The following SRPK2 variants were observed in gnomAD, a reference collection of about 807,000 sequenced individuals.
SRPK2 encodes the protein SFRS protein kinase 2.
A neutral mutation model predicts 90.8 loss-of-function variants in SRPK2; 21 were observed. The ratio of observed to expected loss-of-function variants is 0.23; its 90% CI spans 0.16 to 0.33. The LOEUF (loss-of-function observed/expected upper bound fraction) is 0.33, where lower values mean the gene tolerates loss of function less well. SRPK2 is among the 10% of genes least tolerant of loss of function. SRPK2 has a pLI of 1.00. For missense variants in SRPK2, 620 were observed against 869.0 expected (o/e 0.71, Z 3.60); for synonymous variants, 288 against 311.1 (o/e 0.93, Z 0.78).
chr7:105,213,614 A>G (rs1352871868), intron 2 of SRPK2, among the ~76,000 whole-genome samples: 1 of 152,184 alleles, frequency 6.6e-6, no homozygotes, highest in East Asian at 1.9e-4. Flanking sequence ...GAGCACATAC[A>G]TATACAAAAG....
At chr7:105,395,041 C>T (rs1017859597) in intron 1 of SRPK2, among the ~76,000 whole-genome samples, 5 of 152,106 alleles carry the variant, frequency 3.3e-5, no homozygotes, top group African/African-American at 1.2e-4. Flanking sequence ...GGCGTGGCGG[C>T]ACATGCCTAT....
At chr7:105,382,648 G>A (rs1158702925) in intron 2 of SRPK2, among the ~76,000 whole-genome samples, 1 of 148,570 alleles carries the variant, frequency 6.7e-6, no homozygotes, top group Non-Finnish European at 1.5e-5. Flanking sequence ...GAAAAAAGGC[G>A]AATCACAAAA....
intron 2 of SRPK2, chr7:105,332,793 C>T (rs1814590685): frequency 6.6e-6 from 1 of 151,184 alleles, no homozygotes; most frequent in South Asian, 2.1e-4. Flanking sequence ...AAAGCAAGTG[C>T]TTGCTTCAGC....
chr7:105,397,249 G>A (rs907261572), intron 1 of SRPK2, among the ~76,000 whole-genome samples: 6 of 151,478 alleles, frequency 4.0e-5, no homozygotes, highest in African/African-American at 7.3e-5. Context: ...ATCTTTTGAC[G>A]TCGTGATCCA....
At chr7:105,236,899 T>C (rs1800211837) in intron 2 of SRPK2, among the ~76,000 whole-genome samples, 2 of 152,228 alleles carry the variant, frequency 1.3e-5, no homozygotes, top group Admixed American at 6.5e-5. Context: ...ATCAAAAGAC[T>C]AGTTTGGGAA....
upstream of SRPK2, among the ~76,000 whole-genome samples, chr7:105,391,997 A>C (rs1243267757): frequency 6.6e-6 from 1 of 152,250 alleles, no homozygotes; most frequent in African/African-American, 2.4e-5. Context: ...CGGTATATAC[A>C]TACACTGGAA....
intron 2 of SRPK2, among the ~76,000 whole-genome samples, chr7:105,237,555 T>C (rs1358363885): frequency 6.6e-6 from 1 of 152,198 alleles, no homozygotes; most frequent in Non-Finnish European, 1.5e-5. Flanking sequence ...TAAAAGGAAC[T>C]CTAAATACTA....
intron 2 of SRPK2, among the ~76,000 whole-genome samples, chr7:105,285,886 G>A (rs533600877): frequency 1.2e-4 from 18 of 152,232 alleles, no homozygotes; most frequent in African/African-American, 4.1e-4. Flanking sequence ...CAGGTATTCC[G>A]TTATAGCAAT....
rs1182609958 is a variant in SRPK2 at position 105,116,716 on chromosome 7, T to C, written c.*1122A>G. Reference sequence around the variant, plus strand: ...TGTGCAACCTGCAAAGGGAAAATCATTTTCTCAACTTCGTTTCATGGAAAG... The same window carrying C: ...TGTGCAACCTGCAAAGGGAAAATCACTTTCTCAACTTCGTTTCATGGAAAG... On this transcript the variant is annotated 3_prime_UTR_variant, in exon 16 of 16. Transcript: ENST00000393651. 1.3e-5 allele frequency: 2 copies of C among 152,620 alleles called. No homozygotes were observed. Among genetic ancestry groups the C allele is most frequent in the East Asian group, 3.8e-4 (2 of 5,200 alleles). 9.5% of individuals were successfully genotyped at this position (152,620 alleles called of 1,614,324 possible). A position where few individuals can be genotyped will look rare whatever the true frequency, so the allele number is the denominator to read the frequency against.
chr7:105,277,672 C>T (rs1320878216), intron 2 of SRPK2, among the ~76,000 whole-genome samples: 2 of 152,182 alleles, frequency 1.3e-5, no homozygotes, highest in Non-Finnish European at 2.9e-5. Context: ...TGAGAATTCA[C>T]AGAAAAGCAG....
In SRPK2 at chr7:105,134,934, G is replaced by A. The variant is rs933543738; in HGVS notation, c.1544-1830C>T. On this transcript the variant is annotated intron_variant, in intron 11 of 15. Transcript: ENST00000393651. The stretch of plus-strand genomic sequence containing the variant: ...CACAGCCTCACCAAAGGCCAGGTAT[G>A]AGCTCAGGAAAAGAAACACCAGAAC... 3.3e-5 allele frequency among the ~76,000 whole-genome samples: 5 copies of A among 152,302 alleles called. No individual in the cohort carries two copies. In the South Asian group the frequency reaches 1.0e-3, roughly 32 times the overall value.
At chr7:105,119,410 A>G (rs1227413797) in intron 15 of SRPK2, among the ~76,000 whole-genome samples, 1 of 152,148 alleles carries the variant, frequency 6.6e-6, no homozygotes, top group East Asian at 1.9e-4. Flanking sequence ...CCTACCCACA[A>G]CTGCTCTTCT....
intron 2 of SRPK2, among the ~76,000 whole-genome samples, chr7:105,275,379 C>A (rs1806353413): frequency 6.6e-6 from 1 of 152,074 alleles, no homozygotes; most frequent in Non-Finnish European, 1.5e-5. Flanking sequence ...GCATGATACT[C>A]TTCTTATTCA....
intron 2 of SRPK2, among the ~76,000 whole-genome samples, chr7:105,219,605 G>C (rs1047349613): frequency 6.6e-6 from 1 of 152,218 alleles, no homozygotes; most frequent in African/African-American, 2.4e-5. Flanking sequence ...AACAGACTGA[G>C]CCTTAGTCCC....
chr7:105,342,436 A>C (rs1329221304), intron 2 of SRPK2, among the ~76,000 whole-genome samples: 1 of 152,086 alleles, frequency 6.6e-6, no homozygotes, highest in Non-Finnish European at 1.5e-5. Flanking sequence ...CCAGCTTATT[A>C]GCGTTAAAAT....
At chr7:105,205,739 A>G (rs1299052850) in intron 2 of SRPK2, among the ~76,000 whole-genome samples, 1 of 152,164 alleles carries the variant, frequency 6.6e-6, no homozygotes, top group Non-Finnish European at 1.5e-5. Context: ...AAGGAACTTC[A>G]GTAGTTTGCC....
intron 2 of SRPK2, among the ~76,000 whole-genome samples, chr7:105,234,660 C>A (rs1006847648): frequency 2.6e-5 from 4 of 152,210 alleles, no homozygotes; most frequent in Non-Finnish European, 4.4e-5. Context: ...GGATCTTAAG[C>A]ACTTAGCTAT....
intron 11 of SRPK2, among the ~76,000 whole-genome samples, chr7:105,137,267 A>G (rs1026846311): frequency 9.2e-5 from 14 of 152,252 alleles, no homozygotes; most frequent in African/African-American, 3.4e-4. Flanking sequence ...GCAGGCACCA[A>G]CAGAGACCTG....
At chr7:105,125,776 C>T (rs1023090419) in intron 15 of SRPK2, 4 of 1,246,078 alleles carry the variant, frequency 3.2e-6, no homozygotes, top group Non-Finnish European at 4.2e-6. Context: ...GCATAAATAC[C>T]GTTACCTTTT....
Sources: gnomAD v4.1 joint callset for allele counts (sites outside exome capture counted in the v4.1 genomes callset) on GRCh38, gnomAD v4.1.1 for gene constraint, MANE v1.5 for transcripts, NCBI Gene and HGNC (gene_info 2026-07-23, HGNC 2026-07-21) for gene names.